Variants in HACL1 observed in about 807,000 individuals in gnomAD.
The protein encoded by HACL1 is 1600020H07Rik.
Under a neutral mutation model 74.2 loss-of-function variants are expected in HACL1, and 64 were observed. The observed-to-expected ratio is 0.86, with a 90% CI of 0.70 to 1.06. The LOEUF (loss-of-function observed/expected upper bound fraction) is 1.06, where lower values mean the gene tolerates loss of function less well. HACL1 is among the 50% of genes least tolerant of loss of function. HACL1 has a pLI of 0.00. For synonymous variants in HACL1, 230 were observed against 238.8 expected, an observed-to-expected ratio of 0.96 and a Z score of 0.34; for missense variants, 728 against 719.7, an observed-to-expected ratio of 1.01 and a Z score of -0.13.
intron 7 of HACL1, among the ~76,000 whole-genome samples, chr3:15,583,529 C>CA (rs1574930159): frequency 6.6e-6 from 1 of 152,156 alleles, no homozygotes; most frequent in Non-Finnish European, 1.5e-5. Context: ...AAAAAAGACT[C>CA]AGAGAAAGTA....
chr3:15,563,325 A>G (rs1483244363), intron 16 of HACL1, 33 bp downstream of exon 16: 2 of 1,474,286 alleles, frequency 1.4e-6, no homozygotes, highest in South Asian at 1.1e-5. Context: ...AAGCAGATGC[A>G]TTTCTTGCTT....
intron 8 of HACL1, among the ~76,000 whole-genome samples, chr3:15,581,116 G>T (rs1207946539): frequency 2.0e-5 from 3 of 152,190 alleles, no homozygotes; most frequent in Non-Finnish European, 4.4e-5. Context: ...TGGCCAGGAT[G>T]GTCTCGAACT....
intron 3 of HACL1, among the ~76,000 whole-genome samples, chr3:15,593,657 ACTG>A (rs1161587887): frequency 1.3e-5 from 2 of 152,078 alleles, no homozygotes; most frequent in Non-Finnish European, 2.9e-5. Context: ...CAAATTTTTG[ACTG>A]CTGAGTTCAT....
At position 15,592,549 on chromosome 3, in the gene HACL1, CAT is replaced by C. The variant is rs143056891; in HGVS notation, c.228-871_228-870del. On this transcript the variant is annotated intron_variant, in intron 3 of 16. Transcript: ENST00000321169. ...ATACACATGTATACACATGTACGCACATGTGTGCGTGTATACACATGTACGCA... is the reference window on the plus strand; with the variant it reads ...ATACACATGTATACACATGTACGCACGTGTGCGTGTATACACATGTACGCA... Among the ~76,000 whole-genome samples, 436 of 139,030 alleles carry C rather than the reference CAT, an allele frequency of 3.1e-3. No homozygotes were observed. In the East Asian group the frequency reaches 0.053, roughly 17 times the overall value. 91.2% of individuals were successfully genotyped at this position (139,030 alleles called of 152,430 possible).
intron 9 of HACL1, among the ~76,000 whole-genome samples, chr3:15,578,799 A>T (rs1463654911): frequency 1.3e-5 from 2 of 152,124 alleles, no homozygotes; most frequent in African/African-American, 4.8e-5. Flanking sequence ...GACAATCCCC[A>T]TTATTTTTTT....
intron 3 of HACL1, 65 bp from the exon 4 acceptor site, chr3:15,591,745 T>C (rs1464975118): frequency 7.9e-6 from 8 of 1,018,562 alleles, no homozygotes; most frequent in South Asian, 2.8e-5. Context: ...AACACTTTAG[T>C]GTGAAACATG....
chr3:15,579,968 TA>T lies in HACL1; in HGVS notation c.744del (p.Met249TrpfsTer14). Reference protein sequence around the residue: ...EQYKLPFLPTPMGKGVVPDNH... With the variant: ...EQYKLPFLPTXMGKGVVPDNH... ...TTGTCAGGGACAACACCCTTCCCCA[TA>T]GGGGTGGGCAAAAATGGCAGTTTAT... is the stretch of plus-strand genomic sequence containing the variant. On this transcript the variant is annotated frameshift_variant, in exon 9 of 17. Transcript: ENST00000321169. LOFTEE classifies it high-confidence loss of function. 6.2e-7 allele frequency: 1 copy of T among 1,608,526 alleles called. No homozygotes were observed. Among genetic ancestry groups the T allele is most frequent in the Non-Finnish European group, 8.5e-7 (1 of 1,174,948 alleles).
intron 7 of HACL1, 86 bp from the exon 8 acceptor site, chr3:15,583,075 A>C: frequency 1.5e-6 from 1 of 658,722 alleles, no homozygotes. Flanking sequence ...AAGGTAGAAA[A>C]AATAGTACAA....
At chr3:15,579,543 A>G (rs937804907) in intron 9 of HACL1, among the ~76,000 whole-genome samples, 3 of 152,218 alleles carry the variant, frequency 2.0e-5, no homozygotes, top group African/African-American at 7.2e-5. Flanking sequence ...AAACTTTCCA[A>G]ATTTAGAGAA....
intron 2 of HACL1, among the ~76,000 whole-genome samples, chr3:15,598,443 C>T (rs1432268096): frequency 6.6e-6 from 1 of 152,152 alleles, no homozygotes; most frequent in African/African-American, 2.4e-5. Flanking sequence ...GATTTAAATC[C>T]CAGCTTCCCC....
chr3:15,583,169 CATTT>C (rs1264241996), intron 7 of HACL1, among the ~76,000 whole-genome samples, 180 bp from the exon 8 acceptor site: 1 of 152,166 alleles, frequency 6.6e-6, no homozygotes, highest in Non-Finnish European at 1.5e-5. Flanking sequence ...CATAAACATG[CATTT>C]ATTTTTCATG....
intron 14 of HACL1, among the ~76,000 whole-genome samples, chr3:15,566,548 C>G (rs1342685838): frequency 1.3e-5 from 2 of 152,054 alleles, no homozygotes; most frequent in Non-Finnish European, 2.9e-5. Context: ...CCCAGCTACT[C>G]AGAAGGCTAA....
chr3:15,601,229 G>T (rs1263693851), intron 1 of HACL1, 35 bp from the exon 2 acceptor site: 1 of 1,561,636 alleles, frequency 6.4e-7, no homozygotes, highest in East Asian at 2.2e-5. Flanking sequence ...AAACTCCCAA[G>T]GCCCCACCAT....
intron 8 of HACL1, among the ~76,000 whole-genome samples, chr3:15,581,960 A>G (rs552361289): frequency 2.6e-5 from 4 of 152,336 alleles, no homozygotes; most frequent in Admixed American, 2.6e-4. Context: ...TAATATCCCT[A>G]TTTTACAAGT....
At chr3:15,565,213 C>T (rs2063412719) in intron 14 of HACL1, among the ~76,000 whole-genome samples, 1 of 151,992 alleles carries the variant, frequency 6.6e-6, no homozygotes, top group African/African-American at 2.4e-5. Context: ...AGCTATGAAC[C>T]TCAGACAAAT....
chr3:15,600,284 G>C (rs1338976253), intron 2 of HACL1, among the ~76,000 whole-genome samples: 1 of 152,256 alleles, frequency 6.6e-6, no homozygotes, highest in East Asian at 1.9e-4. Flanking sequence ...GTTTGGGCAA[G>C]AGGAGGCAAG....
intron 12 of HACL1, among the ~76,000 whole-genome samples, chr3:15,569,505 G>A (rs1264043206): frequency 2.0e-5 from 3 of 151,948 alleles, no homozygotes; most frequent in African/African-American, 7.2e-5. Context: ...CCAACATGGT[G>A]AAATCCTGTC....
chr3:15,567,723 A>G (rs2063461420), intron 14 of HACL1, 121 bp downstream of exon 14: 7 of 867,642 alleles, frequency 8.1e-6, no homozygotes, highest in South Asian at 3.0e-5. Flanking sequence ...AGGACAGAAC[A>G]CAGTGCTGTG....
chr3:15,597,989 CTG>C (rs1262128739), intron 2 of HACL1, among the ~76,000 whole-genome samples: 2 of 151,532 alleles, frequency 1.3e-5, no homozygotes, highest in Non-Finnish European at 2.9e-5. Context: ...TGAGAGGTAA[CTG>C]TTTTGTTTTG....
Sources: gnomAD v4.1 joint callset for allele counts (sites outside exome capture counted in the v4.1 genomes callset) on GRCh38, gnomAD v4.1.1 for gene constraint, MANE v1.5 for transcripts, NCBI Gene and HGNC (gene_info 2026-07-23, HGNC 2026-07-21) for gene names.